The following CAMTA1 variants were observed in gnomAD, a reference collection of about 807,000 sequenced individuals.
CAMTA1 encodes calmodulin-binding transcription activator 1.
CAMTA1 carries 27 observed loss-of-function variants against 170.9 expected under a neutral mutation model. The ratio of observed to expected loss-of-function variants is 0.16; its 90% CI spans 0.12 to 0.22. The LOEUF (loss-of-function observed/expected upper bound fraction) is 0.22. CAMTA1 is among the 10% of genes least tolerant of loss of function. CAMTA1 has a pLI of 1.00. For synonymous variants in CAMTA1, 833 were observed against 891.5 expected (o/e 0.93, Z 1.17); for missense variants, 1,619 against 2,217.2 (o/e 0.73, Z 5.42).
Position 7,721,462 on chromosome 1 carries a change from A to T in CAMTA1, c.2915-10986A>T, listed in dbSNP as rs576103641. 1.1e-4 allele frequency among the ~76,000 whole-genome samples: 16 copies of T among 152,284 alleles called. No homozygotes were observed. The South Asian group carries it at 2.9e-3, about 28-fold the overall frequency. On this transcript the variant is annotated intron_variant, in intron 11 of 22. Transcript: ENST00000303635. ...CCAGTAGCTGCTATTATTATTATTA[A>T]TAATATTGGAGTGATGTCTGAGCCA... is the stretch of plus-strand genomic sequence containing the variant.
chr1:7,104,402 G>T (rs980017182), intron 4 of CAMTA1, among the ~76,000 whole-genome samples: 1 of 151,762 alleles, frequency 6.6e-6, no homozygotes, highest in Non-Finnish European at 1.5e-5. Flanking sequence ...AGCTTCCTGT[G>T]TTGGTCACTG....
intron 5 of CAMTA1, among the ~76,000 whole-genome samples, chr1:7,398,430 GA>G (rs1474541286): frequency 6.6e-6 from 1 of 151,164 alleles, no homozygotes; most frequent in East Asian, 1.9e-4. Context: ...CATTTGCATG[GA>G]ATATCATTTT....
intron 5 of CAMTA1, among the ~76,000 whole-genome samples, chr1:7,276,303 A>ATATATATATATATATATATTTTTTTTTTT: frequency 8.3e-5 from 2 of 24,228 alleles, no homozygotes; most frequent in Non-Finnish European, 1.2e-4. Flanking sequence ...ATATATATAT[A>ATATATATATATATATATATTTTTTTTTTT]TTTTTTTTTT....
At chr1:7,409,617 C>T (rs1381680074) in intron 5 of CAMTA1, among the ~76,000 whole-genome samples, 2 of 152,210 alleles carry the variant, frequency 1.3e-5, no homozygotes, top group African/African-American at 4.8e-5. Context: ...TGTGCTGAGC[C>T]CTCCCAGCTG....
rs2096740551 is a variant in CAMTA1 at position 7,732,386 on chromosome 1, G to GTC, written c.2915-62_2915-61insTC. The GTC allele has an allele frequency of 1.4e-6, 2 of 1,473,890 alleles. No homozygotes were observed. Among genetic ancestry groups the GTC allele is most frequent in the Admixed American group, 3.4e-5 (2 of 59,330 alleles). 91.3% of individuals were successfully genotyped at this position (1,473,890 alleles called of 1,614,324 possible). On this transcript the variant is annotated intron_variant, in intron 11 of 22. Transcript: ENST00000303635. The surrounding 1 kb of genome is among the most constrained non-coding windows in gnomAD (Gnocchi z 4.1). ...ATGCTGGTCCCGCAAGGCTGGCGAGGCCACGTGTTGACTGCTTTTCTTCCA... is the reference window on the plus strand; with the variant it reads ...ATGCTGGTCCCGCAAGGCTGGCGAGGTCCCACGTGTTGACTGCTTTTCTTCCA...
intron 9 of CAMTA1, among the ~76,000 whole-genome samples, chr1:7,669,144 C>T (rs930638919): frequency 1.3e-5 from 2 of 152,222 alleles, no homozygotes; most frequent in Non-Finnish European, 2.9e-5. Context: ...TACTGAGGCG[C>T]AGGAGCAGGC....
chr1:7,655,460 C>G (rs985008831), intron 7 of CAMTA1, among the ~76,000 whole-genome samples: 3 of 141,260 alleles, frequency 2.1e-5, no homozygotes, highest in African/African-American at 5.5e-5. Context: ...TACCTATACA[C>G]AAACACACCC....
In CAMTA1 at chr1:7,007,920, G is replaced by A. The variant is rs544856470; in HGVS notation, c.235-83384G>A. Among the ~76,000 whole-genome samples, 9 of 152,298 alleles carry A rather than the reference G, an allele frequency of 5.9e-5. No individual in the cohort carries two copies. Among genetic ancestry groups the A allele is most frequent in the African/African-American group, 1.7e-4 (7 of 41,578 alleles). Reference sequence around the variant, plus strand: ...GAGCTTGTGAGACCCGGGAAACAGCGTTCCATACAATTGAGTGACAGAGCC... The same window carrying A: ...GAGCTTGTGAGACCCGGGAAACAGCATTCCATACAATTGAGTGACAGAGCC... On this transcript the variant is annotated intron_variant, in intron 3 of 22. Coordinates refer to ENST00000303635, the MANE Select transcript of CAMTA1 (RefSeq NM_015215.4). This position sits in a 1 kb window ranked among gnomAD's most constrained non-coding sequence, Gnocchi z 4.5.
intron 4 of CAMTA1, among the ~76,000 whole-genome samples, chr1:7,175,652 C>A (rs183795240): frequency 6.6e-6 from 1 of 152,362 alleles, no homozygotes; most frequent in Admixed American, 6.5e-5. Context: ...CTGCAGCCAC[C>A]CCAGCCGCTT....
intron 5 of CAMTA1, among the ~76,000 whole-genome samples, chr1:7,270,884 A>G (rs1669695947): frequency 6.6e-6 from 1 of 152,234 alleles, no homozygotes. Context: ...CTTTCTTGAA[A>G]ATATAATTGG....
intron 5 of CAMTA1, among the ~76,000 whole-genome samples, chr1:7,301,191 T>C (rs1391677600): frequency 6.6e-6 from 1 of 152,234 alleles, no homozygotes; most frequent in Non-Finnish European, 1.5e-5. Flanking sequence ...ATCTGAAGCA[T>C]TCTTTGCATA....
intron 4 of CAMTA1, among the ~76,000 whole-genome samples, chr1:7,176,560 C>G (rs1475637466): frequency 6.6e-6 from 1 of 152,180 alleles, no homozygotes; most frequent in Admixed American, 6.5e-5. Flanking sequence ...GACACTCGCT[C>G]CAGCTCCAAC....
At chr1:7,193,090 C>G (rs750514264) in intron 4 of CAMTA1, among the ~76,000 whole-genome samples, 15 of 152,118 alleles carry the variant, frequency 9.9e-5, no homozygotes, top group Admixed American at 3.3e-4. Flanking sequence ...GTGGCTCACA[C>G]CTGTAATCCC....
chr1:7,039,481 G>T (rs761939967), intron 3 of CAMTA1, among the ~76,000 whole-genome samples: 2 of 150,220 alleles, frequency 1.3e-5, no homozygotes, highest in Non-Finnish European at 2.9e-5. Context: ...AATTAATAGC[G>T]CTTCCTTTCA....
chr1:7,484,946 C>A (rs1486048453), intron 6 of CAMTA1, among the ~76,000 whole-genome samples: 3 of 152,144 alleles, frequency 2.0e-5, no homozygotes, highest in Admixed American at 6.5e-5. Flanking sequence ...TACACTGTGA[C>A]CCACCAGGCC....
intron 4 of CAMTA1, among the ~76,000 whole-genome samples, chr1:7,121,381 G>A (rs1644632095): frequency 6.6e-6 from 1 of 152,200 alleles, no homozygotes; most frequent in Non-Finnish European, 1.5e-5. Flanking sequence ...TGGATAAGAT[G>A]GATCAAATCA....
At chr1:7,488,756 A>T (rs1465819457) in intron 6 of CAMTA1, among the ~76,000 whole-genome samples, 43 of 152,186 alleles carry the variant, frequency 2.8e-4, no homozygotes, top group Admixed American at 2.8e-3. Flanking sequence ...ATACACATAC[A>T]TGTACATATG....
Position 7,769,077 on chromosome 1 carries a change from A to G in CAMTA1, c.*2586A>G, listed in dbSNP as rs573072974. On this transcript the variant is annotated 3_prime_UTR_variant, in exon 23 of 23. Coordinates refer to ENST00000303635, the MANE Select transcript of CAMTA1 (RefSeq NM_015215.4). ...AAAATGACAGATGGTAGAGACTTCC[A>G]TAGAATTAAGAGGGTTCTCATGGAG... The G allele has an allele frequency of 6.6e-6, 1 of 152,668 alleles. No individual in the cohort carries two copies. Among genetic ancestry groups the G allele is most frequent in the Non-Finnish European group, 1.5e-5 (1 of 68,036 alleles). 9.5% of individuals were successfully genotyped at this position (152,668 alleles called of 1,614,324 possible). A position where few individuals can be genotyped will look rare whatever the true frequency, so the allele number is the denominator to read the frequency against.
intron 6 of CAMTA1, among the ~76,000 whole-genome samples, chr1:7,494,293 A>G (rs2093790011): frequency 1.3e-5 from 2 of 152,238 alleles, no homozygotes; most frequent in Admixed American, 6.5e-5. Flanking sequence ...CATTTGCTAT[A>G]GATCAGAAAT....
Sources: gnomAD v4.1 joint callset for allele counts (sites outside exome capture counted in the v4.1 genomes callset) on GRCh38, gnomAD v4.1.1 for gene constraint, Gnocchi (gnomAD v3.1) non-coding constraint, MANE v1.5 for transcripts, NCBI Gene and HGNC (gene_info 2026-07-23, HGNC 2026-07-21) for gene names.